The following GPRC6A variants were observed in gnomAD, a reference collection of about 807,000 sequenced individuals.
GPRC6A encodes the protein G protein-coupled receptor class C group 6 member A, also known as G protein-coupled receptor family C group 6 member A.
Under a neutral mutation model 47.0 loss-of-function variants are expected in GPRC6A, and 54 were observed. The observed-to-expected ratio is 1.15, with a 90% CI of 0.92 to 1.44. The LOEUF is 1.44. Among genes scored for constraint, GPRC6A ranks in the 40% most tolerant of loss-of-function variants. The probability of loss-of-function intolerance (pLI) is 0.00; values close to 1 mark genes in which losing one functional copy is unlikely to be tolerated. For synonymous variants in GPRC6A, 347 were observed against 377.1 expected, an observed-to-expected ratio of 0.92 and a Z score of 0.93; for missense variants, 1,112 against 1,105.5, an observed-to-expected ratio of 1.01 and a Z score of -0.08.
At chr6:116,813,473 T>C (rs4946193) in intron 1 of GPRC6A, among the ~76,000 whole-genome samples, 1,677 of 152,216 alleles carry the variant, frequency 0.011, 28 homozygotes, top group Admixed American at 0.04. Flanking sequence ...AATCATCTGA[T>C]CTTTGATAAA....
At chr6:116,803,769 T>C (rs1410159855) in intron 3 of GPRC6A, among the ~76,000 whole-genome samples, 2 of 152,144 alleles carry the variant, frequency 1.3e-5, no homozygotes, top group African/African-American at 2.4e-5. Flanking sequence ...GGCTAACTGC[T>C]ACCCTTCCTT....
Position 116,809,525 on chromosome 6 carries a change from C to T in GPRC6A, c.287G>A (p.Gly96Glu), listed in dbSNP as rs1372617351. ...TGTACAAGTGTCATAGATTTCATACCCCAGTTTGACTCCAGGTAAGAGTGT... is the reference window on the plus strand; with the variant it reads ...TGTACAAGTGTCATAGATTTCATACTCCAGTTTGACTCCAGGTAAGAGTGT... ...NSTLLPGVKLGYEIYDTCTEV... is the reference protein window; with the variant it reads ...NSTLLPGVKLEYEIYDTCTEV... Residue 96 changes from glycine (G) to glutamate (E), a missense_variant, in exon 2 of 6, where the codon GGG (glycine) becomes GAG (glutamate). Transcript: ENST00000310357. 1.9e-6 allele frequency: 3 copies of T among 1,612,638 alleles called. No homozygotes were observed. In the South Asian group the frequency reaches 3.3e-5, roughly 18 times the overall value.
chr6:116,798,589 A>AAACAGAC (rs1582455231), intron 4 of GPRC6A, among the ~76,000 whole-genome samples: 3 of 152,248 alleles, frequency 2.0e-5, no homozygotes, highest in South Asian at 2.1e-4. Flanking sequence ...TCTGTTTTGA[A>AAACAGAC]AACAGACTGA....
intron 1 of GPRC6A, among the ~76,000 whole-genome samples, chr6:116,817,263 C>A (rs536603960): frequency 5.3e-5 from 8 of 152,234 alleles, no homozygotes; most frequent in South Asian, 2.1e-4. Context: ...GGAGGCACCC[C>A]CCAGCAGGGG....
In GPRC6A at chr6:116,828,907, A is replaced by G; in HGVS notation, c.107T>C (p.Ile36Thr). Residue 36 changes from isoleucine (I) to threonine (T), a missense_variant, in exon 1 of 6, where the codon ATC (isoleucine) becomes ACC (threonine). Physicochemically the swap from Ile to Thr is moderately conservative, Grantham distance 89. Coordinates refer to ENST00000310357, the MANE Select transcript of GPRC6A (RefSeq NM_148963.4). Reference protein sequence around the residue: ...DFVAATSPGHIIIGGLFAIHE... With the variant: ...DFVAATSPGHTIIGGLFAIHE... ...AATAGCAAACAAACCTCCAATTATG[A>G]TATGTCCCGGAGAAGTGGCAGCCAC... is the stretch of plus-strand genomic sequence containing the variant. The G allele has an allele frequency of 6.2e-7, 1 of 1,613,336 alleles. No individual in the cohort carries two copies. The highest frequency in any genetic ancestry group is 8.5e-7 in the Non-Finnish European group (1 of 1,179,574).
At chr6:116,797,283 T>C (rs931848149) in intron 4 of GPRC6A, among the ~76,000 whole-genome samples, 1 of 152,180 alleles carries the variant, frequency 6.6e-6, no homozygotes, top group Non-Finnish European at 1.5e-5. Flanking sequence ...CAGTCTATCA[T>C]TGTTGGACAT....
At position 116,809,548 on chromosome 6, in the gene GPRC6A, T is replaced by A; in HGVS notation, c.264A>T (p.Thr88=). 6.2e-7 allele frequency: 1 copy of A among 1,612,294 alleles called. No homozygotes were observed. The highest frequency in any genetic ancestry group is 8.5e-7 in the Non-Finnish European group (1 of 1,178,568). The stretch of plus-strand genomic sequence containing the variant: ...ACCCCAGTTTGACTCCAGGTAAGAG[T>A]GTTGAATTGTTGATCATCTCAATGC... ...IHSIEMINNS[T]LLPGVKLGYE... Residue 88 remains threonine (T), a synonymous_variant, in exon 2 of 6, where the codon ACA becomes ACT. Coordinates refer to ENST00000310357, the MANE Select transcript of GPRC6A (RefSeq NM_148963.4).
At chr6:116,811,043 G>A (rs1413412886) in intron 1 of GPRC6A, among the ~76,000 whole-genome samples, 1 of 152,148 alleles carries the variant, frequency 6.6e-6, no homozygotes, top group African/African-American at 2.4e-5. Flanking sequence ...ACTGCCCTGG[G>A]ACACAATGAT....
intron 4 of GPRC6A, among the ~76,000 whole-genome samples, chr6:116,799,062 G>C (rs1002299628): frequency 1.1e-4 from 16 of 152,060 alleles, no homozygotes; most frequent in Admixed American, 3.9e-4. Context: ...CCGAAAGAGA[G>C]GTGACAAGAA....
At position 116,800,802 on chromosome 6, in the gene GPRC6A, A is replaced by G. The variant is rs768443074; in HGVS notation, c.1336-6T>C. 1.9e-6 allele frequency: 3 copies of G among 1,569,244 alleles called. No individual in the cohort carries two copies. Among genetic ancestry groups the G allele is most frequent in the Admixed American group, 1.7e-5 (1 of 59,826 alleles). On this transcript the variant is annotated splice_polypyrimidine_tract_variant and splice_region_variant and intron_variant, in intron 3 of 5. Transcript: ENST00000310357. ...TTTTTTAGCACACCAAGTAACTATA[A>G]AAAATAAAAACAGAGATAAGCACTT...
chr6:116,810,768 A>G (rs930300354), intron 1 of GPRC6A, among the ~76,000 whole-genome samples: 1 of 152,024 alleles, frequency 6.6e-6, no homozygotes, highest in African/African-American at 2.4e-5. Context: ...TTTAATTAAA[A>G]TTTTAATTTT....
chr6:116,819,754 C>G (rs1181041517), intron 1 of GPRC6A, among the ~76,000 whole-genome samples: 2 of 151,368 alleles, frequency 1.3e-5, no homozygotes, highest in African/African-American at 4.9e-5. Context: ...CAAGAGAAAG[C>G]AGGAAAGATC....
At chr6:116,797,191 T>C (rs1157356343) in intron 4 of GPRC6A, among the ~76,000 whole-genome samples, 6 of 152,188 alleles carry the variant, frequency 3.9e-5, no homozygotes, top group African/African-American at 1.4e-4. Flanking sequence ...ATTTCATCCA[T>C]GTCCCTACAA....
At chr6:116,795,945 C>CT (rs1212837685) in intron 4 of GPRC6A, 110 bp from the exon 5 acceptor site, 2 of 660,946 alleles carry the variant, frequency 3.0e-6, no homozygotes, top group Non-Finnish European at 4.7e-6. Context: ...CTATTTTGGT[C>CT]TTTTTTCATA....
chr6:116,829,172 A>T (rs1773768251), upstream of GPRC6A: 1 of 701,830 alleles, frequency 1.4e-6, no homozygotes, highest in Non-Finnish European at 2.1e-6. Context: ...TGATAGTCAA[A>T]ACAGTTATTT....
chr6:116,801,725 T>C (rs568566827), intron 3 of GPRC6A, among the ~76,000 whole-genome samples: 1 of 152,316 alleles, frequency 6.6e-6, no homozygotes, highest in South Asian at 2.1e-4. Flanking sequence ...GATGGTAACA[T>C]CAATGAGAAA....
At chr6:116,811,013 T>A (rs897419656) in intron 1 of GPRC6A, among the ~76,000 whole-genome samples, 1 of 152,150 alleles carries the variant, frequency 6.6e-6, no homozygotes. Context: ...TGGTTTGACC[T>A]AACACTGGTG....
In GPRC6A at chr6:116,829,005, G is replaced by T. The variant is rs1347039890; in HGVS notation, c.9C>A (p.Phe3Leu). ...CAAAGCAGGTAATTAGTATAATTAA[G>T]AATGCCATGTTTCTATCTCATTTGC... Reference protein sequence around the residue: MAFLIILITCFVI... With the variant: MALLIILITCFVI... The change falls in exon 1 of 6, where the codon TTC becomes TTA. Residue 3 changes from phenylalanine (F) to leucine (L), a missense_variant. Physicochemically the swap from Phe to Leu is conservative, Grantham distance 22. Transcript: ENST00000310357. The T allele has an allele frequency of 4.3e-6, 7 of 1,610,428 alleles. No individual in the cohort carries two copies. In the Middle Eastern group the frequency reaches 5.0e-4, roughly 114 times the overall value.
intron 3 of GPRC6A, among the ~76,000 whole-genome samples, chr6:116,801,205 G>A (rs1173473905): frequency 1.3e-5 from 2 of 152,114 alleles, no homozygotes; most frequent in Non-Finnish European, 2.9e-5. Context: ...CAATGATTGA[G>A]TATGTAGTAA....
Sources: allele counts gnomAD v4.1 joint callset (sites outside exome capture counted in the v4.1 genomes callset), GRCh38; gene constraint gnomAD v4.1.1; transcripts MANE v1.5; gene names NCBI Gene and HGNC (gene_info 2026-07-23, HGNC 2026-07-21).